The following GREB1L variants were observed in gnomAD, a reference collection of about 807,000 sequenced individuals.
GREB1L encodes the protein GREB1 like retinoic acid receptor coactivator.
Under a neutral mutation model 200.8 loss-of-function variants are expected in GREB1L, and 17 were observed. The ratio of observed to expected loss-of-function variants is 0.08; its 90% CI spans 0.06 to 0.13. GREB1L has a LOEUF of 0.13. Among genes scored for constraint, GREB1L ranks in the 10% least tolerant of loss-of-function variants. The pLI is 1.00. For missense variants in GREB1L, 1,657 were observed against 2,367.7 expected, an observed-to-expected ratio of 0.70 and a Z score of 6.23; for synonymous variants, 789 against 893.0, an observed-to-expected ratio of 0.88 and a Z score of 2.08.
At chr18:21,446,237 C>T (rs1255350513) in intron 11 of GREB1L, among the ~76,000 whole-genome samples, 3 of 152,198 alleles carry the variant, frequency 2.0e-5, no homozygotes, top group African/African-American at 7.2e-5. Context: ...GTTGGCCAGG[C>T]TGGTCTCAAA....
intron 7 of GREB1L, among the ~76,000 whole-genome samples, chr18:21,408,573 T>C (rs1217640692): frequency 6.6e-6 from 1 of 152,002 alleles, no homozygotes; most frequent in Non-Finnish European, 1.5e-5. Context: ...GGCAGGTGGA[T>C]CATCCGAGGT....
At chr18:21,472,505 G>T (rs2035522139) in intron 15 of GREB1L, among the ~76,000 whole-genome samples, 1 of 152,164 alleles carries the variant, frequency 6.6e-6, no homozygotes, top group African/African-American at 2.4e-5. Flanking sequence ...TCTAAATACT[G>T]TGCAAGATGG....
chr18:21,397,745 G>A (rs1415250903), intron 5 of GREB1L, among the ~76,000 whole-genome samples: 1 of 152,170 alleles, frequency 6.6e-6, no homozygotes, highest in East Asian at 1.9e-4. Flanking sequence ...AAATTGAGCA[G>A]ATGGTTTAAT....
intron 1 of GREB1L, among the ~76,000 whole-genome samples, chr18:21,254,989 T>A (rs1214631253): frequency 6.6e-6 from 1 of 152,120 alleles, no homozygotes; most frequent in Non-Finnish European, 1.5e-5. Context: ...ATATTCAAGA[T>A]TTACTCCAGA....
At chr18:21,385,684 C>A (rs2040510434) in intron 4 of GREB1L, among the ~76,000 whole-genome samples, 1 of 152,140 alleles carries the variant, frequency 6.6e-6, no homozygotes, top group South Asian at 2.1e-4. Flanking sequence ...TGCTTTACGT[C>A]CATCTTCATG....
chr18:21,525,105 G>GTAAC lies in GREB1L; in HGVS notation c.*2286_*2289dup, dbSNP rs2037663460. ...TGAATGGATTCGCTAGGCCCACACAGTAACTCACCTGTAGACCTGCTGAAC... is the reference window on the plus strand; with the variant it reads ...TGAATGGATTCGCTAGGCCCACACAGTAACTAACTCACCTGTAGACCTGCTGAAC... On this transcript the variant is annotated 3_prime_UTR_variant, in exon 33 of 33. Transcript: ENST00000424526. 6.6e-6 allele frequency: 1 copy of GTAAC among 151,842 alleles called. No individual in the cohort carries two copies. Among genetic ancestry groups the GTAAC allele is most frequent in the African/African-American group, 2.4e-5 (1 of 41,388 alleles). 9.4% of individuals were successfully genotyped at this position (151,842 alleles called of 1,614,324 possible).
chr18:21,316,944 G>A (rs1217386155), intron 1 of GREB1L: 1 of 151,770 alleles, frequency 6.6e-6, no homozygotes, highest in Non-Finnish European at 1.5e-5. Flanking sequence ...GTATTTTTTA[G>A]TAGACACGGG....
Position 21,451,051 on chromosome 18 carries a change from G to C in GREB1L, c.1749G>C (p.Glu583Asp). Residue 583 changes from glutamate (E) to aspartate (D), a missense_variant, in exon 13 of 33, where the codon GAG becomes GAC. By Grantham distance (45) the Glu-to-Asp change is conservative (BLOSUM62 2). Around this residue, in one of 9 missense-constraint regions of GREB1L, gnomAD observed 239 missense variants for 421.8 expected, o/e 0.57. Coordinates refer to ENST00000424526, the MANE Select transcript of GREB1L (RefSeq NM_001142966.3). ...AGCACCAGTCCCGAGCTCTGGCAGAGAGCATGCTCACCACAAGTGAGTTTT... is the reference window on the plus strand; with the variant it reads ...AGCACCAGTCCCGAGCTCTGGCAGACAGCATGCTCACCACAAGTGAGTTTT... ...LGQHQSRALAESMLTTSEFLK... is the reference protein window; with the variant it reads ...LGQHQSRALADSMLTTSEFLK... 1 of 1,552,102 alleles carries C rather than the reference G, an allele frequency of 6.4e-7. No homozygotes were observed. Among genetic ancestry groups the C allele is most frequent in the Non-Finnish European group, 8.7e-7 (1 of 1,147,066 alleles).
intron 1 of GREB1L, among the ~76,000 whole-genome samples, chr18:21,343,356 A>G (rs948768140): frequency 4.6e-5 from 7 of 152,204 alleles, no homozygotes; most frequent in South Asian, 2.1e-4. Context: ...TAGAAATGCT[A>G]TGATCTCTAG....
At chr18:21,387,937 C>G (rs1401741514) in intron 4 of GREB1L, among the ~76,000 whole-genome samples, 2 of 152,156 alleles carry the variant, frequency 1.3e-5, no homozygotes, top group Non-Finnish European at 2.9e-5. Flanking sequence ...GTAGGGATCC[C>G]TCATGATATA....
chr18:21,446,971 T>C (rs1025613044), intron 11 of GREB1L, among the ~76,000 whole-genome samples: 1 of 152,238 alleles, frequency 6.6e-6, no homozygotes, highest in African/African-American at 2.4e-5. Context: ...TATTTAAACC[T>C]TGACTTTTCC....
At position 21,525,286 on chromosome 18, in the gene GREB1L, A is replaced by G. The variant is rs1317329884; in HGVS notation, c.*2465A>G. 5 of 152,154 alleles carry G rather than the reference A, an allele frequency of 3.3e-5. No homozygotes were observed. Among genetic ancestry groups the G allele is most frequent in the Non-Finnish European group, 7.3e-5 (5 of 68,028 alleles). The allele number at this position is 152,154 out of a possible 1,614,324, so 9.4% of individuals were successfully genotyped here. On this transcript the variant is annotated 3_prime_UTR_variant, in exon 33 of 33. Coordinates refer to ENST00000424526, the MANE Select transcript of GREB1L (RefSeq NM_001142966.3). Reference sequence around the variant, plus strand: ...GTGTTATTACTGTAAAATGTTCTTAACCAAAATTTGGTGAATTTCACTAGT... The same window carrying G: ...GTGTTATTACTGTAAAATGTTCTTAGCCAAAATTTGGTGAATTTCACTAGT...
rs746068645 is a variant in GREB1L, at chr18:21,384,263, A to G, written c.215A>G (p.Asn72Ser). 1.1e-5 allele frequency: 17 copies of G among 1,551,534 alleles called. No individual in the cohort carries two copies. The African/African-American group carries it at 2.0e-4, about 19-fold the overall frequency. ...GATTTGGTAAACCGCTACACTCAAA[A>G]TGGAAGTCTGGATTTTTCTAACAAT... The part of the protein sequence containing the change: ...DKDLVNRYTQ[N>S]GSLDFSNNLT... Residue 72 changes from asparagine to serine, a missense_variant, in exon 4 of 33, where the codon AAT (asparagine) becomes AGT (serine). Asn to Ser is a conservative substitution (Grantham distance 46, BLOSUM62 1). Transcript: ENST00000424526.
At chr18:21,252,141 C>T (rs1330102316) in intron 1 of GREB1L, among the ~76,000 whole-genome samples, 1 of 152,284 alleles carries the variant, frequency 6.6e-6, no homozygotes, top group East Asian at 1.9e-4. Flanking sequence ...ATGCAAGTTA[C>T]AAATAATAGT....
chr18:21,312,877 G>A (rs1004295983), intron 1 of GREB1L, among the ~76,000 whole-genome samples: 12 of 152,296 alleles, frequency 7.9e-5, no homozygotes, highest in Non-Finnish European at 1.0e-4. Context: ...TGACTGGTGT[G>A]AGATCATATC....
At chr18:21,393,165 C>A (rs1461447624) in intron 4 of GREB1L, among the ~76,000 whole-genome samples, 2 of 152,172 alleles carry the variant, frequency 1.3e-5, no homozygotes, top group African/African-American at 4.8e-5. Context: ...AAAATCATAA[C>A]ATGAATTGAT....
At chr18:21,251,619 TG>T (rs1567908415) in intron 1 of GREB1L, among the ~76,000 whole-genome samples, 1 of 152,030 alleles carries the variant, frequency 6.6e-6, no homozygotes, top group Non-Finnish European at 1.5e-5. Flanking sequence ...TATGATAGAT[TG>T]GGGAAAAAAA....
At chr18:21,517,037 A>G (rs540600077) in intron 30 of GREB1L, among the ~76,000 whole-genome samples, 15 of 151,828 alleles carry the variant, frequency 9.9e-5, no homozygotes, top group African/African-American at 3.6e-4. Flanking sequence ...CCACGCTTGG[A>G]TAATTTTTAT....
At chr18:21,462,416 T>C (rs1471990057) in intron 15 of GREB1L, among the ~76,000 whole-genome samples, 1 of 152,224 alleles carries the variant, frequency 6.6e-6, no homozygotes, top group Non-Finnish European at 1.5e-5. Context: ...AGTCAGAAGC[T>C]AATGAAAAAG....
Sources: allele counts gnomAD v4.1 joint callset (sites outside exome capture counted in the v4.1 genomes callset), GRCh38; gene constraint gnomAD v4.1.1; regional missense constraint gnomAD v4.1.1; transcripts MANE v1.5; gene names NCBI Gene and HGNC (gene_info 2026-07-23, HGNC 2026-07-21).